Variants in PRKG1 observed in about 807,000 individuals in gnomAD.
PRKG1 encodes cGMP-dependent protein kinase 1.
A neutral mutation model predicts 88.1 loss-of-function variants in PRKG1; 35 were observed. The ratio of observed to expected loss-of-function variants is 0.40; its 90% CI spans 0.30 to 0.53. The LOEUF (loss-of-function observed/expected upper bound fraction) is 0.53. Among genes scored for constraint, PRKG1 ranks in the 20% least tolerant of loss-of-function variants. The pLI, the probability that PRKG1 is intolerant of heterozygous loss-of-function variation, is 0.59. For synonymous variants in PRKG1, 303 were observed against 292.5 expected, an observed-to-expected ratio of 1.04 and a Z score of -0.37; for missense variants, 540 against 839.8, an observed-to-expected ratio of 0.64 and a Z score of 4.41.
intron 3 of PRKG1, among the ~76,000 whole-genome samples, chr10:51,636,634 C>A (rs1839662642): frequency 6.6e-6 from 1 of 152,230 alleles, no homozygotes; most frequent in East Asian, 1.9e-4. Context: ...GAGCTTTGGG[C>A]ACTTGGATAA....
chr10:51,686,016 C>A (rs926884396), intron 3 of PRKG1, among the ~76,000 whole-genome samples: 1 of 152,078 alleles, frequency 6.6e-6, no homozygotes, highest in Admixed American at 6.6e-5. Context: ...GCCCATCAAT[C>A]CCCTTCCTTC....
intron 1 of PRKG1, among the ~76,000 whole-genome samples, chr10:51,128,206 C>CT (rs1447848935): frequency 1.8e-5 from 1 of 54,708 alleles, no homozygotes; most frequent in African/African-American, 4.3e-5. Flanking sequence ...TTTTGTGATA[C>CT]TTAAAAAAAA....
chr10:51,268,767 A>G (rs1194273272), intron 2 of PRKG1, among the ~76,000 whole-genome samples: 1 of 152,200 alleles, frequency 6.6e-6, no homozygotes, highest in Non-Finnish European at 1.5e-5. Context: ...TAAGAGATTA[A>G]AGTAAAGACA....
chr10:51,796,444 T>C (rs766756671), intron 3 of PRKG1, among the ~76,000 whole-genome samples: 7 of 152,232 alleles, frequency 4.6e-5, no homozygotes, highest in South Asian at 2.1e-4. Context: ...CTAAATCTTG[T>C]GTGTAACTTG....
intron 1 of PRKG1, among the ~76,000 whole-genome samples, chr10:51,020,977 G>A (rs1843128691): frequency 6.6e-6 from 1 of 152,112 alleles, no homozygotes; most frequent in Non-Finnish European, 1.5e-5. Flanking sequence ...GTTTAATAAA[G>A]TATTTGTGTC....
chr10:51,574,163 A>C (rs1837827933), intron 3 of PRKG1, among the ~76,000 whole-genome samples: 1 of 151,938 alleles, frequency 6.6e-6, no homozygotes, highest in Non-Finnish European at 1.5e-5. Context: ...CGTATTAAAT[A>C]GATATTTATT....
At chr10:51,660,819 A>G (rs572233340) in intron 3 of PRKG1, among the ~76,000 whole-genome samples, 2 of 152,204 alleles carry the variant, frequency 1.3e-5, no homozygotes, top group East Asian at 3.9e-4. Flanking sequence ...GCATGCAGTT[A>G]TTGAAATGCT....
intron 5 of PRKG1, chr10:51,910,493 T>C (rs1344236335): frequency 6.6e-6 from 1 of 152,162 alleles, no homozygotes; most frequent in Admixed American, 6.5e-5. Context: ...GAATTTTCAG[T>C]TGAAATTTCT....
intron 1 of PRKG1, among the ~76,000 whole-genome samples, chr10:51,019,698 T>TA (rs918164041): frequency 6.6e-6 from 1 of 150,770 alleles, no homozygotes; most frequent in African/African-American, 2.4e-5. Context: ...ATCAACAAAG[T>TA]AAAAAAACCC....
intron 2 of PRKG1, among the ~76,000 whole-genome samples, chr10:51,456,977 C>T (rs1220919825): frequency 1.3e-5 from 2 of 152,172 alleles, no homozygotes; most frequent in Admixed American, 6.5e-5. Context: ...AACACTTTTA[C>T]ACTGCTAGCA....
chr10:51,412,506 T>C (rs1260076229), intron 2 of PRKG1, among the ~76,000 whole-genome samples: 16 of 151,976 alleles, frequency 1.1e-4, no homozygotes, highest in Admixed American at 1.0e-3. Context: ...TAGCCAAGCG[T>C]GGTGGTGCAT....
At chr10:51,306,350 T>C (rs946916410) in intron 2 of PRKG1, among the ~76,000 whole-genome samples, 2 of 152,198 alleles carry the variant, frequency 1.3e-5, no homozygotes, top group Non-Finnish European at 2.9e-5. Context: ...AGATTTGGGC[T>C]TGAAAATCAC....
chr10:51,377,800 A>G (rs769111251), intron 2 of PRKG1, among the ~76,000 whole-genome samples: 3 of 152,200 alleles, frequency 2.0e-5, no homozygotes, highest in Non-Finnish European at 1.5e-5. Context: ...ACATTCCCCA[A>G]GTGCCACCTG....
intron 8 of PRKG1, among the ~76,000 whole-genome samples, chr10:52,150,983 A>G (rs1311339690): frequency 6.6e-6 from 1 of 150,530 alleles, no homozygotes; most frequent in Non-Finnish European, 1.5e-5. Context: ...TTTAATAAAT[A>G]TGGCCTATTT....
At chr10:51,651,257 C>A (rs1659459945) in intron 3 of PRKG1, among the ~76,000 whole-genome samples, 1 of 152,110 alleles carries the variant, frequency 6.6e-6, no homozygotes, top group African/African-American at 2.4e-5. Flanking sequence ...AGTAGCCTTC[C>A]TTTCTAGGCC....
chr10:52,042,648 AT>A (rs143981090), intron 5 of PRKG1, among the ~76,000 whole-genome samples: 55 of 152,300 alleles, frequency 3.6e-4, no homozygotes, highest in African/African-American at 1.3e-3. Context: ...GAAATGCTTC[AT>A]TACATTGATC....
intron 2 of PRKG1, among the ~76,000 whole-genome samples, chr10:51,393,332 C>T (rs1743040063): frequency 6.7e-6 from 1 of 149,702 alleles, no homozygotes; most frequent in African/African-American, 2.5e-5. Flanking sequence ...TCCTCACTTC[C>T]TAGATGGGAT....
At chr10:51,573,079 A>G (rs1045014941) in intron 3 of PRKG1, among the ~76,000 whole-genome samples, 10 of 151,856 alleles carry the variant, frequency 6.6e-5, no homozygotes, top group South Asian at 2.1e-4. Flanking sequence ...TCTAAGAGAT[A>G]TTCAGGAACA....
At chr10:51,724,151 C>A (rs992302611) in intron 3 of PRKG1, among the ~76,000 whole-genome samples, 1 of 152,086 alleles carries the variant, frequency 6.6e-6, no homozygotes, top group African/African-American at 2.4e-5. Context: ...AAGAAATCTC[C>A]CCTGCCAAAT....
Sources: allele counts gnomAD v4.1 joint callset (sites outside exome capture counted in the v4.1 genomes callset), GRCh38; gene constraint gnomAD v4.1.1; transcripts MANE v1.5; gene names NCBI Gene and HGNC (gene_info 2026-07-23, HGNC 2026-07-21).